Variants in SNCAIP observed in about 807,000 individuals in gnomAD.
SNCAIP encodes the protein synuclein alpha interacting protein.
In SNCAIP, 43 loss-of-function variants were observed where a neutral mutation model predicts 86.7. That is an observed-to-expected ratio of 0.50 (90% CI 0.39 to 0.64). SNCAIP has a LOEUF of 0.64. SNCAIP is among the 30% of genes least tolerant of loss of function. The pLI, the probability that SNCAIP is intolerant of heterozygous loss-of-function variation, is 0.00. For synonymous variants in SNCAIP, 417 were observed against 427.2 expected (o/e 0.98, Z 0.29); for missense variants, 981 against 1,103.1 (o/e 0.89, Z 1.57).
At chr5:122,444,542 A>G (rs1165766070) in intron 7 of SNCAIP, 21 bp from the exon 8 acceptor site, 2 of 1,610,044 alleles carry the variant, frequency 1.2e-6, no homozygotes, top group African/African-American at 1.3e-5. Flanking sequence ...CCTGATACAC[A>G]TGTCCTTCAT....
chr5:122,375,012 C>G (rs1331770749), intron 1 of SNCAIP, among the ~76,000 whole-genome samples: 2 of 152,012 alleles, frequency 1.3e-5, no homozygotes, highest in African/African-American at 4.8e-5. Context: ...CCCTAAGTGT[C>G]TTTAGTAAAT....
At chr5:122,369,796 T>A (rs1362126221) in intron 1 of SNCAIP, 1 of 152,240 alleles carries the variant, frequency 6.6e-6, no homozygotes, top group African/African-American at 2.4e-5. Flanking sequence ...AAATGGGCTT[T>A]CTGCTGTAAG....
At chr5:122,377,717 G>T (rs1765672214) in intron 1 of SNCAIP, among the ~76,000 whole-genome samples, 1 of 123,922 alleles carries the variant, frequency 8.1e-6, no homozygotes, top group Non-Finnish European at 1.6e-5. Flanking sequence ...AGTCCCCAGA[G>T]TGTGATATTC....
intron 1 of SNCAIP, among the ~76,000 whole-genome samples, chr5:122,347,412 T>TC (rs1758838606): frequency 7.0e-6 from 1 of 142,522 alleles, no homozygotes; most frequent in East Asian, 2.0e-4. Flanking sequence ...TTTTTTTTTT[T>TC]CTTCTCTTGA....
chr5:122,352,399 A>C (rs1348909326), intron 1 of SNCAIP, among the ~76,000 whole-genome samples: 1 of 152,178 alleles, frequency 6.6e-6, no homozygotes, highest in Non-Finnish European at 1.5e-5. Flanking sequence ...TCCTTTGGCT[A>C]AGTTATCTTC....
intron 6 of SNCAIP, among the ~76,000 whole-genome samples, chr5:122,433,997 C>T (rs916258769): frequency 2.0e-5 from 3 of 152,096 alleles, no homozygotes; most frequent in South Asian, 2.1e-4. Context: ...AGTGCATTTT[C>T]GACTTAACAA....
intron 1 of SNCAIP, among the ~76,000 whole-genome samples, chr5:122,342,421 C>T (rs1216797015): frequency 3.3e-5 from 5 of 152,056 alleles, no homozygotes; most frequent in Non-Finnish European, 7.4e-5. Flanking sequence ...TCTGGCGTCT[C>T]CACCATGATT....
At chr5:122,394,100 TG>T (rs199795029) in intron 2 of SNCAIP, among the ~76,000 whole-genome samples, 7 of 151,856 alleles carry the variant, frequency 4.6e-5, no homozygotes, top group South Asian at 2.1e-4. Flanking sequence ...TTTTTTTTTT[TG>T]ATACCAGAAA....
In SNCAIP at chr5:122,451,145, A is replaced by G. The variant is rs766001597; in HGVS notation, c.2298A>G (p.Ser766=). The change falls in exon 10 of 11, where the codon TCA becomes TCG. Residue 766 remains serine, a synonymous_variant. Transcript: ENST00000261368. ...EPDLESQYPG[S]GSIPPNQPSG... ...ACTTAGAATCCCAGTATCCAGGCTCAGGGAGTATTCCTCCAAACCAGCCCT... is the reference window on the plus strand; with the variant it reads ...ACTTAGAATCCCAGTATCCAGGCTCGGGGAGTATTCCTCCAAACCAGCCCT... 6.2e-7 allele frequency: 1 copy of G among 1,613,938 alleles called. No homozygotes were observed. Among genetic ancestry groups the G allele is most frequent in the Admixed American group, 1.7e-5 (1 of 59,996 alleles).
intron 3 of SNCAIP, among the ~76,000 whole-genome samples, chr5:122,421,431 A>G (rs1776334350): frequency 6.6e-6 from 1 of 152,254 alleles, no homozygotes; most frequent in African/African-American, 2.4e-5. Flanking sequence ...AGGAAGAAGA[A>G]TGACCAGTAG....
At chr5:122,420,349 A>G (rs1235727851) in intron 3 of SNCAIP, among the ~76,000 whole-genome samples, 1 of 152,222 alleles carries the variant, frequency 6.6e-6, no homozygotes, top group Non-Finnish European at 1.5e-5. Flanking sequence ...ACATGTAAAT[A>G]AAGCCAACAT....
intron 5 of SNCAIP, among the ~76,000 whole-genome samples, chr5:122,429,343 T>A: frequency 2.1e-5 from 3 of 143,886 alleles, no homozygotes; most frequent in East Asian, 2.1e-4. Context: ...AAAATTAGAG[T>A]AAAAAGAAAT....
chr5:122,367,977 A>C (rs73794590), intron 1 of SNCAIP, among the ~76,000 whole-genome samples: 2 of 152,168 alleles, frequency 1.3e-5, no homozygotes, highest in African/African-American at 2.4e-5. Flanking sequence ...GGAGCCTGAG[A>C]CACACAGCAA....
At chr5:122,357,526 G>T (rs1007528465) in intron 1 of SNCAIP, among the ~76,000 whole-genome samples, 2 of 151,836 alleles carry the variant, frequency 1.3e-5, no homozygotes, top group East Asian at 3.9e-4. Context: ...GAGCCACCGT[G>T]CTCAGCCAAT....
At chr5:122,404,852 A>AAAAAT (rs1159857720) in intron 3 of SNCAIP, among the ~76,000 whole-genome samples, 1 of 152,192 alleles carries the variant, frequency 6.6e-6, no homozygotes, top group Non-Finnish European at 1.5e-5. Flanking sequence ...GAGAGACAGG[A>AAAAAT]AAAATAATTA....
intron 6 of SNCAIP, 188 bp from the exon 7 acceptor site, chr5:122,440,441 G>T: frequency 1.6e-6 from 1 of 611,434 alleles, no homozygotes; most frequent in Non-Finnish European, 2.9e-6. Context: ...TCTCTATGCC[G>T]TCCTCTTTCA....
At chr5:122,417,695 C>T (rs1225066772) in intron 3 of SNCAIP, among the ~76,000 whole-genome samples, 2 of 151,862 alleles carry the variant, frequency 1.3e-5, no homozygotes, top group Admixed American at 1.3e-4. Flanking sequence ...TTCTTCCTTC[C>T]ATTCTGCCTT....
intron 1 of SNCAIP, among the ~76,000 whole-genome samples, chr5:122,320,488 A>T (rs1752692853): frequency 6.6e-6 from 1 of 152,194 alleles, no homozygotes; most frequent in Admixed American, 6.5e-5. Context: ...GGGGCTAATA[A>T]ATAATCGAAA....
intron 1 of SNCAIP, among the ~76,000 whole-genome samples, chr5:122,355,237 T>G (rs1363029739): frequency 6.6e-6 from 1 of 152,318 alleles, no homozygotes; most frequent in South Asian, 2.1e-4. Context: ...ATGGTTAAGA[T>G]CTCTTGAAGT....
Sources: allele counts gnomAD v4.1 joint callset (sites outside exome capture counted in the v4.1 genomes callset), GRCh38; gene constraint gnomAD v4.1.1; transcripts MANE v1.5; gene names NCBI Gene and HGNC (gene_info 2026-07-23, HGNC 2026-07-21).